The following DNAJC15 variants were observed in gnomAD, a reference collection of about 807,000 sequenced individuals.
DNAJC15 encodes dnaJ homolog subfamily C member 15.
A neutral mutation model predicts 22.4 loss-of-function variants in DNAJC15; 27 were observed. The observed-to-expected ratio is 1.20, with a 90% confidence interval of 0.89 to 1.66. The LOEUF (loss-of-function observed/expected upper bound fraction) is 1.66. Ranked by LOEUF, DNAJC15 falls within the 40% of genes most tolerant of loss-of-function variation. The probability of loss-of-function intolerance (pLI) is 0.00; values close to 1 mark genes in which losing one functional copy is unlikely to be tolerated. For missense variants in DNAJC15, 208 were observed against 187.1 expected (o/e 1.11, Z -0.65); for synonymous variants, 79 against 63.2 (o/e 1.25, Z -1.19).
chr13:43,109,851 A>T lies in DNAJC15; in HGVS notation c.*2603A>T, dbSNP rs2040816181. 1 of 143,542 alleles carries T rather than the reference A, an allele frequency of 7.0e-6. No homozygotes were observed. The highest frequency in any genetic ancestry group is 2.4e-5 in the African/African-American group (1 of 40,964). 8.9% of individuals were successfully genotyped at this position (143,542 alleles called of 1,614,324 possible). On this transcript the variant is annotated 3_prime_UTR_variant, in exon 6 of 6. Transcript: ENST00000379221. The stretch of plus-strand genomic sequence containing the variant: ...TTGTGCACATGTGCCCTAGAACTTA[A>T]AGTATAATAAAAAGAAATTTTAAAA...
chr13:43,077,736 T>G (rs768416576), intron 3 of DNAJC15, among the ~76,000 whole-genome samples: 7 of 152,240 alleles, frequency 4.6e-5, no homozygotes, highest in Non-Finnish European at 7.3e-5. Flanking sequence ...GGGGATCTGA[T>G]GAGCACATAA....
At chr13:43,055,293 C>T (rs1053617170) in intron 1 of DNAJC15, among the ~76,000 whole-genome samples, 1 of 152,036 alleles carries the variant, frequency 6.6e-6, no homozygotes, top group East Asian at 1.9e-4. Context: ...CCAACTAAAT[C>T]GTCAGGCCCT....
intron 5 of DNAJC15, among the ~76,000 whole-genome samples, chr13:43,101,738 T>A (rs965219465): frequency 6.6e-6 from 1 of 152,218 alleles, no homozygotes; most frequent in Non-Finnish European, 1.5e-5. Flanking sequence ...TCCAATTCCA[T>A]CCAGATAGTT....
At chr13:43,033,352 G>A (rs535704676) in intron 1 of DNAJC15, among the ~76,000 whole-genome samples, 4 of 152,100 alleles carry the variant, frequency 2.6e-5, no homozygotes, top group Non-Finnish European at 5.9e-5. Flanking sequence ...AGGAGTTAAA[G>A]GTTACAGTGA....
At chr13:43,032,845 A>G (rs1459588785) in intron 1 of DNAJC15, among the ~76,000 whole-genome samples, 1 of 151,976 alleles carries the variant, frequency 6.6e-6, no homozygotes, top group Non-Finnish European at 1.5e-5. Context: ...AAAAGAAGTA[A>G]GTACTGTTAG....
At chr13:43,025,760 T>C (rs1045023500) in intron 1 of DNAJC15, among the ~76,000 whole-genome samples, 1 of 152,054 alleles carries the variant, frequency 6.6e-6, no homozygotes, top group African/African-American at 2.4e-5. Context: ...AAAAATTAGC[T>C]GGGCATGGTA....
intron 4 of DNAJC15, among the ~76,000 whole-genome samples, chr13:43,084,501 T>C (rs573328864): frequency 8.5e-5 from 13 of 152,234 alleles, no homozygotes; most frequent in Non-Finnish European, 1.5e-4. Flanking sequence ...TGCTTTTAGC[T>C]ATTATGTTGT....
chr13:43,078,475 G>A, intron 3 of DNAJC15, 137 bp from the exon 4 acceptor site: 1 of 541,360 alleles, frequency 1.8e-6, no homozygotes, highest in East Asian at 3.1e-5. Context: ...TCATTGTTTG[G>A]TGCTTCCCCC....
intron 4 of DNAJC15, among the ~76,000 whole-genome samples, chr13:43,080,115 T>G (rs2040654915): frequency 6.6e-6 from 1 of 152,084 alleles, no homozygotes; most frequent in African/African-American, 2.4e-5. Context: ...CACGTGCAGG[T>G]TTATTATAAA....
intron 1 of DNAJC15, among the ~76,000 whole-genome samples, chr13:43,059,401 T>G (rs2153440583): frequency 6.6e-6 from 1 of 152,190 alleles, no homozygotes; most frequent in Non-Finnish European, 1.5e-5. Flanking sequence ...GAGACGGAGT[T>G]TTGCTCTTGT....
chr13:43,051,163 C>T (rs1439422321), intron 1 of DNAJC15, among the ~76,000 whole-genome samples: 5 of 151,900 alleles, frequency 3.3e-5, no homozygotes, highest in Non-Finnish European at 7.4e-5. Flanking sequence ...TTAGTATAAG[C>T]GATGGGGTTT....
rs935464640 is a variant in DNAJC15 at position 43,023,660 on chromosome 13, G to A, written c.34G>A (p.Glu12Lys). The change falls in exon 1 of 6, where the codon GAG becomes AAG. Residue 12 changes from glutamate (E) to lysine (K), a missense_variant. Transcript: ENST00000379221. ...CCGTGGTGTCATCGCTCCAGTTGGCGAGAGTTTGCGCTACGCTGAGTACTT... is the reference window on the plus strand; with the variant it reads ...CCGTGGTGTCATCGCTCCAGTTGGCAAGAGTTTGCGCTACGCTGAGTACTT... ...AARGVIAPVGESLRYAEYLQP... is the reference protein window; with the variant it reads ...AARGVIAPVGKSLRYAEYLQP... 1.9e-6 allele frequency: 3 copies of A among 1,612,580 alleles called. No homozygotes were observed. The highest frequency in any genetic ancestry group is 2.7e-5 in the African/African-American group (2 of 75,020).
chr13:43,044,684 A>G (rs913634960), intron 1 of DNAJC15, among the ~76,000 whole-genome samples: 8 of 152,056 alleles, frequency 5.3e-5, no homozygotes, highest in Non-Finnish European at 1.2e-4. Context: ...GCATGACCAT[A>G]TGTTAGATTC....
chr13:43,025,535 A>G (rs2040376707), intron 1 of DNAJC15, among the ~76,000 whole-genome samples: 1 of 152,232 alleles, frequency 6.6e-6, no homozygotes, highest in Non-Finnish European at 1.5e-5. Context: ...AATAAAATCT[A>G]CCTGTAAACA....
chr13:43,030,749 T>C (rs2040400871), intron 1 of DNAJC15, among the ~76,000 whole-genome samples: 1 of 152,078 alleles, frequency 6.6e-6, no homozygotes, highest in African/African-American at 2.4e-5. Context: ...TCCCCAGCAG[T>C]GGAGATCCTG....
intron 1 of DNAJC15, among the ~76,000 whole-genome samples, chr13:43,033,675 G>A (rs2040414005): frequency 6.6e-6 from 1 of 152,114 alleles, no homozygotes; most frequent in African/African-American, 2.4e-5. Context: ...GAATTTCTTA[G>A]GTGTTTTTCT....
At position 43,074,956 on chromosome 13, in the gene DNAJC15, A is replaced by C. The variant is rs143092514; in HGVS notation, c.235-3656A>C. On this transcript the variant is annotated intron_variant, in intron 3 of 5. Transcript: ENST00000379221. The stretch of plus-strand genomic sequence containing the variant: ...TGCAAAACTCACCTATGCTGAGGCC[A>C]ACTTTTTGTATCTGTGGTTTCTGTA... Among the ~76,000 whole-genome samples, 13 of 152,306 alleles carry C rather than the reference A, an allele frequency of 8.5e-5. No individual in the cohort carries two copies. The South Asian group carries it at 1.5e-3, about 17-fold the overall frequency.
chr13:43,080,746 T>A (rs893099684), intron 4 of DNAJC15, among the ~76,000 whole-genome samples: 1 of 152,238 alleles, frequency 6.6e-6, no homozygotes, highest in Non-Finnish European at 1.5e-5. Context: ...GATGATACCT[T>A]TTTACATAAT....
Position 43,109,147 on chromosome 13 carries a change from A to G in DNAJC15, c.*1899A>G, listed in dbSNP as rs1285178752. 1.3e-5 allele frequency: 2 copies of G among 152,200 alleles called. No individual in the cohort carries two copies. The highest frequency in any genetic ancestry group is 2.9e-5 in the Non-Finnish European group (2 of 68,034). The allele number at this position is 152,200 out of a possible 1,614,324, so 9.4% of individuals were successfully genotyped here. Reference sequence around the variant, plus strand: ...TTGTTTGGTGTTACATTGGCACCCAATAAATATTTGTTGAGTGAATGAATA... The same window carrying G: ...TTGTTTGGTGTTACATTGGCACCCAGTAAATATTTGTTGAGTGAATGAATA... On this transcript the variant is annotated 3_prime_UTR_variant, in exon 6 of 6. Coordinates refer to ENST00000379221, the MANE Select transcript of DNAJC15 (RefSeq NM_013238.3).
Sources: gnomAD v4.1 joint callset for allele counts (sites outside exome capture counted in the v4.1 genomes callset) on GRCh38, gnomAD v4.1.1 for gene constraint, MANE v1.5 for transcripts, NCBI Gene and HGNC (gene_info 2026-07-23, HGNC 2026-07-21) for gene names.